The following KIF13A variants were observed in gnomAD, a reference collection of about 807,000 sequenced individuals.
KIF13A encodes the protein kinesin family member 13A.
In KIF13A, 79 loss-of-function variants were observed where a neutral mutation model predicts 212.2. The ratio of observed to expected loss-of-function variants is 0.37; its 90% CI spans 0.31 to 0.45. The LOEUF (loss-of-function observed/expected upper bound fraction) is 0.45. Among genes scored for constraint, KIF13A ranks in the 20% least tolerant of loss-of-function variants. The pLI is 1.00. For missense variants in KIF13A, 1,901 were observed against 2,209.0 expected, an observed-to-expected ratio of 0.86 and a Z score of 2.79; for synonymous variants, 789 against 808.6, an observed-to-expected ratio of 0.98 and a Z score of 0.41.
At chr6:17,952,391 G>A (rs1001919494) in intron 2 of KIF13A, among the ~76,000 whole-genome samples, 11 of 151,578 alleles carry the variant, frequency 7.3e-5, no homozygotes, top group South Asian at 2.1e-4. Flanking sequence ...CCAACACTGC[G>A]GGTGGCTGGG....
In KIF13A at chr6:17,777,135, C is replaced by G. The variant is rs1359408348; in HGVS notation, c.4170+142G>C. ...CAACTGTGCTGCCTGGTGTGTGTCC[C>G]TGGTACAGAGAAGCAGGCTACACTT... On this transcript the variant is annotated intron_variant, in intron 34 of 38. Coordinates refer to ENST00000259711, the MANE Select transcript of KIF13A (RefSeq NM_022113.6). The surrounding 1 kb of genome is among the most constrained non-coding windows in gnomAD (Gnocchi z 4.4). 3.0e-6 allele frequency: 2 copies of G among 674,420 alleles called. No homozygotes were observed. Among genetic ancestry groups the G allele is most frequent in the South Asian group, 3.4e-5 (2 of 59,072 alleles). 41.8% of individuals were successfully genotyped at this position (674,420 alleles called of 1,614,324 possible).
At chr6:17,935,560 C>T (rs1284770408) in intron 2 of KIF13A, among the ~76,000 whole-genome samples, 1 of 152,150 alleles carries the variant, frequency 6.6e-6, no homozygotes, top group South Asian at 2.1e-4. Flanking sequence ...GTGTTGAAAA[C>T]CACTGCCCCA....
At chr6:17,949,993 T>C (rs1485852541) in intron 2 of KIF13A, among the ~76,000 whole-genome samples, 1 of 152,154 alleles carries the variant, frequency 6.6e-6, no homozygotes, top group Non-Finnish European at 1.5e-5. Context: ...CCCTTATTCC[T>C]AAACAAAGAC....
intron 2 of KIF13A, among the ~76,000 whole-genome samples, chr6:17,937,866 A>G (rs992329651): frequency 1.2e-4 from 18 of 151,710 alleles, no homozygotes; most frequent in Admixed American, 1.1e-3. Context: ...CTCCTGCCTC[A>G]GCCTCTCAAG....
At chr6:17,977,683 GATTTGTTTTT>G (rs759349130) in intron 2 of KIF13A, among the ~76,000 whole-genome samples, 26 of 152,154 alleles carry the variant, frequency 1.7e-4, no homozygotes, top group Non-Finnish European at 2.8e-4. Context: ...AAGAATAACT[GATTTGTTTTT>G]ATTTGTTTTT....
intron 2 of KIF13A, among the ~76,000 whole-genome samples, chr6:17,907,226 A>G (rs2150497671): frequency 6.6e-6 from 1 of 152,372 alleles, no homozygotes; most frequent in East Asian, 1.9e-4. Flanking sequence ...AACAAGGTAT[A>G]CAGATTGCAT....
At chr6:17,770,839 C>A (rs1482489894) in intron 38 of KIF13A, 11 of 710,418 alleles carry the variant, frequency 1.5e-5, no homozygotes, top group Non-Finnish European at 2.1e-5. Context: ...AAAAAGATCT[C>A]TTTGTTACAC....
At position 17,771,777 on chromosome 6, in the gene KIF13A, G is replaced by A. The variant is rs1039335038; in HGVS notation, c.4476+131C>T. On this transcript the variant is annotated intron_variant, in intron 37 of 38. Transcript: ENST00000259711. This position sits in a 1 kb window ranked among gnomAD's most constrained non-coding sequence, Gnocchi z 5.4. ...CTGCATGCTTGAGAAAGAGGAATTC[G>A]AGAACGGGAACCATGGAGTGATGAC... The A allele has an allele frequency of 1.8e-5, 14 of 763,524 alleles. No homozygotes were observed. The highest frequency in any genetic ancestry group is 2.8e-5 in the Non-Finnish European group (13 of 468,382). The allele number at this position is 763,524 out of a possible 1,614,324, so 47.3% of individuals were successfully genotyped here. A position where few individuals can be genotyped will look rare whatever the true frequency, so the allele number is the denominator to read the frequency against.
intron 3 of KIF13A, among the ~76,000 whole-genome samples, chr6:17,893,044 C>A (rs1363330208): frequency 6.6e-6 from 1 of 152,152 alleles, no homozygotes; most frequent in Admixed American, 6.5e-5. Context: ...GGACTGAGCC[C>A]CTAACCTGTA....
rs1774813895 is a variant in KIF13A at position 17,919,139 on chromosome 6, A to G, written c.147-20959T>C. The stretch of plus-strand genomic sequence containing the variant: ...TGAATAACTCCACTCTTTGGATTGA[A>G]GACCAAGTAAACATACATATAGTGC... On this transcript the variant is annotated intron_variant, in intron 2 of 38. Transcript: ENST00000259711. This position sits in a 1 kb window ranked among gnomAD's most constrained non-coding sequence, Gnocchi z 4.1. 6.6e-6 allele frequency among the ~76,000 whole-genome samples: 1 copy of G among 152,218 alleles called. No homozygotes were observed. Among genetic ancestry groups the G allele is most frequent in the East Asian group, 1.9e-4 (1 of 5,190 alleles).
intron 2 of KIF13A, among the ~76,000 whole-genome samples, chr6:17,916,839 C>T (rs945629825): frequency 4.6e-5 from 7 of 152,122 alleles, no homozygotes; most frequent in South Asian, 2.1e-4. Flanking sequence ...ATTAATATAA[C>T]CCTGAGTATT....
chr6:17,833,871 A>G, intron 12 of KIF13A, 90 bp downstream of exon 12: 1 of 679,228 alleles, frequency 1.5e-6, no homozygotes, highest in South Asian at 2.3e-5. Context: ...AAAAAAAAAA[A>G]AAGACTTTCT....
At position 17,897,350 on chromosome 6, in the gene KIF13A, T is replaced by C. The variant is rs1328592438; in HGVS notation, c.159+818A>G. Reference sequence around the variant, plus strand: ...AATCCTATCTCAAGAACCACAGCTATAATCAGTATCACTGGCCAGGGGCTG... The same window carrying C: ...AATCCTATCTCAAGAACCACAGCTACAATCAGTATCACTGGCCAGGGGCTG... On this transcript the variant is annotated intron_variant, in intron 3 of 38. Coordinates refer to ENST00000259711, the MANE Select transcript of KIF13A (RefSeq NM_022113.6). The surrounding 1 kb of genome is among the most constrained non-coding windows in gnomAD (Gnocchi z 4.8). 1.3e-5 allele frequency among the ~76,000 whole-genome samples: 2 copies of C among 152,220 alleles called. No individual in the cohort carries two copies. Among genetic ancestry groups the C allele is most frequent in the Admixed American group, 6.5e-5 (1 of 15,288 alleles).
At chr6:17,859,979 C>T (rs899945454) in intron 4 of KIF13A, among the ~76,000 whole-genome samples, 3 of 152,032 alleles carry the variant, frequency 2.0e-5, no homozygotes, top group Non-Finnish European at 4.4e-5. Context: ...GATAAGCTGA[C>T]TGGGGCTTGA....
intron 2 of KIF13A, among the ~76,000 whole-genome samples, chr6:17,986,754 G>A (rs1034357554): frequency 6.6e-6 from 1 of 152,258 alleles, no homozygotes; most frequent in African/African-American, 2.4e-5. Context: ...TGTGGCCGCT[G>A]GACGAATCAC....
intron 4 of KIF13A, among the ~76,000 whole-genome samples, chr6:17,863,020 C>G (rs1768981603): frequency 6.6e-6 from 1 of 152,120 alleles, no homozygotes; most frequent in Non-Finnish European, 1.5e-5. Context: ...TTGTTTGAGC[C>G]TAGGAGGTTG....
At position 17,765,068 on chromosome 6, in the gene KIF13A, T is replaced by C. The variant is rs185226818; in HGVS notation, c.4582-122A>G. 14 of 775,466 alleles carry C rather than the reference T, an allele frequency of 1.8e-5. No individual in the cohort carries two copies. In the East Asian group the frequency reaches 3.8e-4, roughly 21 times the overall value. 48.0% of individuals were successfully genotyped at this position (775,466 alleles called of 1,614,324 possible). ...CACATGGTGTTCAGTGTTTTCTTTT[T>C]GTCTTTCCAAATTTGGCCAGATCTT... On this transcript the variant is annotated intron_variant, in intron 38 of 38. Transcript: ENST00000259711.
intron 25 of KIF13A, among the ~76,000 whole-genome samples, chr6:17,792,066 G>A (rs751968541): frequency 3.3e-5 from 5 of 151,904 alleles, no homozygotes; most frequent in African/African-American, 4.8e-5. Flanking sequence ...AGACAGGTGC[G>A]TTGGCAGGTG....
In KIF13A at chr6:17,825,997, A is replaced by G; in HGVS notation, c.1619+41T>C. Reference sequence around the variant, plus strand: ...TTTACACTTAAATAGATAACAGAAAAAATGTATACGAAAATATATTACAGA... The same window carrying G: ...TTTACACTTAAATAGATAACAGAAAGAATGTATACGAAAATATATTACAGA... On this transcript the variant is annotated intron_variant, in intron 15 of 38. Coordinates refer to ENST00000259711, the MANE Select transcript of KIF13A (RefSeq NM_022113.6). The surrounding 1 kb of genome is among the most constrained non-coding windows in gnomAD (Gnocchi z 4.5). 9 of 1,610,866 alleles carry G rather than the reference A, an allele frequency of 5.6e-6. No individual in the cohort carries two copies. The highest frequency in any genetic ancestry group is 7.6e-6 in the Non-Finnish European group (9 of 1,177,452).
Sources: allele counts gnomAD v4.1 joint callset (sites outside exome capture counted in the v4.1 genomes callset), GRCh38; gene constraint gnomAD v4.1.1; non-coding constraint Gnocchi (gnomAD v3.1); transcripts MANE v1.5; gene names NCBI Gene and HGNC (gene_info 2026-07-23, HGNC 2026-07-21).